The following TXNDC16 variants were observed in gnomAD, a reference collection of about 807,000 sequenced individuals.
TXNDC16 encodes the protein thioredoxin domain-containing protein 16.
TXNDC16 carries 74 observed loss-of-function variants against 85.6 expected under a neutral mutation model. The ratio of observed to expected loss-of-function variants is 0.86; its 90% confidence interval spans 0.72 to 1.05. The LOEUF is 1.05. Ranked by LOEUF, TXNDC16 falls within the 50% of genes least tolerant of loss-of-function variation. The probability of loss-of-function intolerance (pLI) is 0.00; values close to 1 mark genes in which losing one functional copy is unlikely to be tolerated. For missense variants in TXNDC16, 959 were observed against 947.0 expected, an observed-to-expected ratio of 1.01 and a Z score of -0.17; for synonymous variants, 335 against 326.5, an observed-to-expected ratio of 1.03 and a Z score of -0.28.
intron 9 of TXNDC16, among the ~76,000 whole-genome samples, chr14:52,506,254 T>G (rs1170277548): frequency 6.6e-6 from 1 of 152,162 alleles, no homozygotes; most frequent in East Asian, 1.9e-4. Flanking sequence ...TACCAAAGCC[T>G]GGCAGAGACA....
intron 16 of TXNDC16, among the ~76,000 whole-genome samples, chr14:52,460,262 A>G (rs567397733): frequency 6.6e-6 from 1 of 152,260 alleles, no homozygotes; most frequent in Non-Finnish European, 1.5e-5. Flanking sequence ...AACACTGTTC[A>G]AAGAAATCAG....
chr14:52,471,747 C>T (rs2035912719), intron 14 of TXNDC16, among the ~76,000 whole-genome samples: 2 of 151,784 alleles, frequency 1.3e-5, no homozygotes, highest in African/African-American at 4.8e-5. Context: ...AGATACCTAT[C>T]CTGTCTAAAC....
At chr14:52,441,159 C>T (rs1056290582) in intron 18 of TXNDC16, among the ~76,000 whole-genome samples, 1 of 152,058 alleles carries the variant, frequency 6.6e-6, no homozygotes, top group Non-Finnish European at 1.5e-5. Flanking sequence ...TAAAATTTTA[C>T]TTTTTCCAAT....
At chr14:52,485,091 A>C (rs894604918) in intron 12 of TXNDC16, among the ~76,000 whole-genome samples, 1 of 152,198 alleles carries the variant, frequency 6.6e-6, no homozygotes, top group Non-Finnish European at 1.5e-5. Flanking sequence ...TTATCATAGG[A>C]AATGACAGCT....
intron 6 of TXNDC16, among the ~76,000 whole-genome samples, chr14:52,521,258 G>A (rs1273402126): frequency 3.3e-5 from 5 of 149,952 alleles, no homozygotes; most frequent in Non-Finnish European, 7.4e-5. Flanking sequence ...GACTACAGGC[G>A]TGCACCCCCA....
intron 16 of TXNDC16, among the ~76,000 whole-genome samples, chr14:52,458,943 T>C (rs927180787): frequency 4.6e-5 from 7 of 152,048 alleles, no homozygotes; most frequent in African/African-American, 1.7e-4. Flanking sequence ...CAGATGCATA[T>C]CCATTTCCAC....
intron 6 of TXNDC16, among the ~76,000 whole-genome samples, chr14:52,531,335 T>A (rs1163675968): frequency 6.6e-6 from 1 of 152,068 alleles, no homozygotes; most frequent in Non-Finnish European, 1.5e-5. Context: ...CCCAAAGGAG[T>A]TGGAAACTTA....
intron 16 of TXNDC16, among the ~76,000 whole-genome samples, chr14:52,469,183 CA>C (rs1290603816): frequency 6.6e-6 from 1 of 150,452 alleles, no homozygotes; most frequent in Non-Finnish European, 1.5e-5. Flanking sequence ...CCTGTCTCTA[CA>C]AAAACACAAA....
chr14:52,551,983 C>A (rs943880658), intron 1 of TXNDC16, among the ~76,000 whole-genome samples: 1 of 152,192 alleles, frequency 6.6e-6, no homozygotes, highest in Non-Finnish European at 1.5e-5. Flanking sequence ...CAACATCCAT[C>A]TGATACTACT....
intron 8 of TXNDC16, 144 bp from the exon 9 acceptor site, chr14:52,511,534 A>G (rs2036955308): frequency 2.0e-6 from 1 of 494,224 alleles, no homozygotes; most frequent in African/African-American, 2.0e-5. Flanking sequence ...ATAAAATTAA[A>G]TGAACTTGGG....
At chr14:52,435,437 A>AGGC in intron 20 of TXNDC16, among the ~76,000 whole-genome samples, 1 of 152,278 alleles carries the variant, frequency 6.6e-6, no homozygotes, top group East Asian at 1.9e-4. Context: ...TGAGGAGTTT[A>AGGC]AGAGCTACAG....
At chr14:52,501,205 T>A (rs918143971) in intron 9 of TXNDC16, among the ~76,000 whole-genome samples, 1 of 152,160 alleles carries the variant, frequency 6.6e-6, no homozygotes, top group African/African-American at 2.4e-5. Context: ...ATCGTGAGTA[T>A]AAGACATAGT....
At chr14:52,447,945 C>A (rs2035322187) in intron 18 of TXNDC16, among the ~76,000 whole-genome samples, 1 of 148,628 alleles carries the variant, frequency 6.7e-6, no homozygotes, top group African/African-American at 2.5e-5. Context: ...AATGATCAAG[C>A]AGAAGAAAGA....
intron 18 of TXNDC16, among the ~76,000 whole-genome samples, chr14:52,444,739 A>G (rs1566530397): frequency 6.6e-6 from 1 of 152,162 alleles, no homozygotes; most frequent in Non-Finnish European, 1.5e-5. Flanking sequence ...GTAAAATGAT[A>G]CAAATCTTCT....
chr14:52,547,530 G>A (rs577436039), intron 1 of TXNDC16, among the ~76,000 whole-genome samples: 1 of 151,944 alleles, frequency 6.6e-6, no homozygotes, highest in Non-Finnish European at 1.5e-5. Flanking sequence ...TAGGAGTGTT[G>A]TTGTTGTTTC....
chr14:52,489,621 A>G (rs2036355089), intron 11 of TXNDC16, among the ~76,000 whole-genome samples: 1 of 152,238 alleles, frequency 6.6e-6, no homozygotes, highest in Non-Finnish European at 1.5e-5. Flanking sequence ...TTTTAATTAA[A>G]GTATAACATT....
intron 20 of TXNDC16, 56 bp downstream of exon 20, chr14:52,439,148 A>T: frequency 6.6e-7 from 1 of 1,509,074 alleles, no homozygotes; most frequent in Non-Finnish European, 9.1e-7. Flanking sequence ...TTTAGAGTTT[A>T]ACATTTATGG....
Position 52,537,670 on chromosome 14 carries a change from A to G in TXNDC16, c.246T>C (p.Val82=). Residue 82 remains valine (V), a splice_region_variant and synonymous_variant, in exon 5 of 21, where the codon GTT becomes GTC. Coordinates refer to ENST00000281741, the MANE Select transcript of TXNDC16 (RefSeq NM_020784.3). ...TTGATATTTCTTCTTTGACACAATT[A>G]ACCTTTAAAAGAGTATACTTAAGTT... ...LQDYGISVAK[V]NCVKEEISRY... The G allele has an allele frequency of 6.4e-7, 1 of 1,563,076 alleles. No individual in the cohort carries two copies. Among genetic ancestry groups the G allele is most frequent in the Admixed American group, 1.7e-5 (1 of 59,788 alleles).
At chr14:52,508,911 G>T (rs912850251) in intron 9 of TXNDC16, among the ~76,000 whole-genome samples, 3 of 152,134 alleles carry the variant, frequency 2.0e-5, no homozygotes, top group Non-Finnish European at 4.4e-5. Context: ...GTTGTGGGGT[G>T]GGGGCAGCGG....
Sources: gnomAD v4.1 joint callset for allele counts (sites outside exome capture counted in the v4.1 genomes callset) on GRCh38, gnomAD v4.1.1 for gene constraint, MANE v1.5 for transcripts, NCBI Gene and HGNC (gene_info 2026-07-23, HGNC 2026-07-21) for gene names.